Variants in YJU2B observed in about 807,000 individuals in gnomAD.
The protein encoded by YJU2B is YJU2 splicing factor homolog B, also known as probable splicing factor YJU2B.
YJU2B carries 18 observed loss-of-function variants against 38.0 expected under a neutral mutation model. The observed-to-expected ratio is 0.47, with a 90% CI of 0.33 to 0.70. The LOEUF is 0.70. YJU2B is among the 30% of genes least tolerant of loss of function. YJU2B has a pLI of 0.02. For missense variants in YJU2B, 538 were observed against 556.3 expected (o/e 0.97, Z 0.33); for synonymous variants, 246 against 225.4 (o/e 1.09, Z -0.82).
intron 4 of YJU2B, among the ~76,000 whole-genome samples, chr19:13,756,836 G>A (rs1035597858): frequency 6.6e-6 from 1 of 151,986 alleles, no homozygotes; most frequent in African/African-American, 2.4e-5. Context: ...ATTAGGCTGG[G>A]TGCGGTGGCT....
chr19:13,762,549 C>G (rs775915428), intron 9 of YJU2B, 41 bp from the exon 10 acceptor site: 1 of 1,534,560 alleles, frequency 6.5e-7, no homozygotes, highest in Non-Finnish European at 8.7e-7. Context: ...TTCTGGACCC[C>G]CTCCCCTGCC....
chr19:13,763,182 C>T lies in YJU2B; in HGVS notation c.*114C>T, dbSNP rs11878381. The T allele has an allele frequency of 2.3e-5, 19 of 815,532 alleles. No homozygotes were observed. The highest frequency in any genetic ancestry group is 2.2e-4 in the South Asian group (12 of 53,982). The allele number at this position is 815,532 out of a possible 1,614,324, so 50.5% of individuals were successfully genotyped here. A position where few individuals can be genotyped will look rare whatever the true frequency, so the allele number is the denominator to read the frequency against. ...ACCAGCCCTGGGAGAGCTCAGATGCCGCATCCTCCCCAGACCGCGCCTTCC... is the reference window on the plus strand; with the variant it reads ...ACCAGCCCTGGGAGAGCTCAGATGCTGCATCCTCCCCAGACCGCGCCTTCC... On this transcript the variant is annotated 3_prime_UTR_variant, in exon 10 of 10. Coordinates refer to ENST00000221554, the MANE Select transcript of YJU2B (RefSeq NM_030818.4).
rs1280992680 is a variant in YJU2B at position 13,762,599 on chromosome 19, A to G, written c.722A>G (p.Asp241Gly). The change falls in exon 10 of 10, where the codon GAC becomes GGC. Residue 241 changes from aspartate (D) to glycine (G), a missense_variant. This residue lies in a region of YJU2B where 488 missense variants were observed against 469.5 expected (regional missense o/e 1.04). Coordinates refer to ENST00000221554, the MANE Select transcript of YJU2B (RefSeq NM_030818.4). ...CTCTCCTCTCCTCTAGCCTACGAGG[A>G]CAAGCAGAAACTCAAGCGGACCGAG... ...LKFHTLDSYE[D>G]KQKLKRTEII... 1 of 1,527,004 alleles carries G rather than the reference A, an allele frequency of 6.5e-7. No individual in the cohort carries two copies. Among genetic ancestry groups the G allele is most frequent in the Admixed American group, 2.0e-5 (1 of 49,542 alleles). The allele number at this position is 1,527,004 out of a possible 1,614,324, so 94.6% of individuals were successfully genotyped here.
At chr19:13,759,486 G>A (rs1024930725) in intron 8 of YJU2B, 15 of 517,574 alleles carry the variant, frequency 2.9e-5, no homozygotes, top group Non-Finnish European at 5.1e-5. Flanking sequence ...AAATTTGGCT[G>A]GGCACAGTGA....
intron 4 of YJU2B, among the ~76,000 whole-genome samples, chr19:13,756,508 G>C (rs1001454204): frequency 6.6e-6 from 1 of 152,170 alleles, no homozygotes; most frequent in Non-Finnish European, 1.5e-5. Context: ...AGCTTGGCTG[G>C]GCTGGGCTAG....
chr19:13,757,792 G>A lies in YJU2B; in HGVS notation c.203G>A (p.Arg68His), dbSNP rs1973724565. 3 of 1,613,898 alleles carry A rather than the reference G, an allele frequency of 1.9e-6. No homozygotes were observed. The highest frequency in any genetic ancestry group is 2.5e-6 in the Non-Finnish European group (3 of 1,179,934). The change falls in exon 6 of 10, where the codon CGT becomes CAT. Residue 68 changes from arginine to histidine, a missense_variant. Arg to His is a conservative substitution (Grantham distance 29). Around this residue, in one of 2 missense-constraint regions of YJU2B, gnomAD observed 488 missense variants for 469.5 expected, o/e 1.04. Coordinates refer to ENST00000221554, the MANE Select transcript of YJU2B (RefSeq NM_030818.4). The stretch of plus-strand genomic sequence containing the variant: ...CCGCCTGACCCCCTTCCAGGTGTTC[G>A]TTACAATGCAGAAAAGAAGAAGGTG... ...GCKNHIGMGV[R>H]YNAEKKKVGN...
chr19:13,739,972 C>G (rs1973050552), intron 2 of YJU2B, among the ~76,000 whole-genome samples: 1 of 152,072 alleles, frequency 6.6e-6, no homozygotes, highest in Non-Finnish European at 1.5e-5. Context: ...TGTTCAACTC[C>G]CACTTATGAG....
At chr19:13,748,146 C>T (rs1486265017) in intron 1 of YJU2B, among the ~76,000 whole-genome samples, 192 bp downstream of exon 1, 2 of 152,194 alleles carry the variant, frequency 1.3e-5, no homozygotes, top group African/African-American at 2.4e-5. Flanking sequence ...ACCTCTGACC[C>T]AAGTGCCCGG....
chr19:13,733,716 C>T (rs1255139457), intron 2 of YJU2B, among the ~76,000 whole-genome samples: 1 of 152,014 alleles, frequency 6.6e-6, no homozygotes, highest in Non-Finnish European at 1.5e-5. Context: ...AGTGAAACTC[C>T]ATCTCAAAAA....
intron 2 of YJU2B, among the ~76,000 whole-genome samples, chr19:13,738,798 G>A (rs1420506438): frequency 1.3e-5 from 2 of 151,620 alleles, no homozygotes; most frequent in African/African-American, 4.8e-5. Flanking sequence ...GCTGAGGCAG[G>A]AGAATGGTGT....
intron 8 of YJU2B, chr19:13,761,480 C>T (rs559206329): frequency 6.5e-6 from 1 of 152,760 alleles, no homozygotes; most frequent in Admixed American, 6.5e-5. Flanking sequence ...TTATCACTGT[C>T]TCACCACTAG....
At position 13,762,452 on chromosome 19, in the gene YJU2B, AG is replaced by A. The variant is rs1336076845; in HGVS notation, c.712+20del. ...CACCCTGGACTGTGCGTAGGAGGCC[AG>A]GGGGAAAAGGGGACAGGGAGGCTCA... On this transcript the variant is annotated intron_variant, in intron 9 of 9. Transcript: ENST00000221554. 1 of 1,609,646 alleles carries A rather than the reference AG, an allele frequency of 6.2e-7. No individual in the cohort carries two copies.
intron 2 of YJU2B, among the ~76,000 whole-genome samples, chr19:13,734,166 G>A (rs1972887340): frequency 6.6e-6 from 1 of 152,146 alleles, no homozygotes; most frequent in Non-Finnish European, 1.5e-5. Flanking sequence ...GGCCTCAAGA[G>A]ACCCTCTCAC....
chr19:13,734,005 G>A (rs963318407), intron 2 of YJU2B, among the ~76,000 whole-genome samples: 1 of 152,084 alleles, frequency 6.6e-6, no homozygotes, highest in Non-Finnish European at 1.5e-5. Flanking sequence ...ATGACTCACT[G>A]TAGCCTCCAA....
intron 6 of YJU2B, among the ~76,000 whole-genome samples, 190 bp from the exon 7 acceptor site, chr19:13,758,677 CA>C (rs746183492): frequency 8.5e-5 from 13 of 152,272 alleles, no homozygotes; most frequent in African/African-American, 2.4e-5. Flanking sequence ...ACTGCAGCCC[CA>C]CTGACAGAAG....
chr19:13,740,196 T>C (rs1213510954), intron 2 of YJU2B, among the ~76,000 whole-genome samples: 1 of 152,088 alleles, frequency 6.6e-6, no homozygotes, highest in Non-Finnish European at 1.5e-5. Flanking sequence ...CTCAGCAAAC[T>C]AACATAAGTT....
chr19:13,734,559 G>A (rs1051572378), intron 2 of YJU2B, among the ~76,000 whole-genome samples: 6 of 151,174 alleles, frequency 4.0e-5, no homozygotes, highest in African/African-American at 1.5e-4. Flanking sequence ...CGAAGTGCTG[G>A]GATTACAGGC....
At chr19:13,740,400 A>T (rs1973061984) in intron 2 of YJU2B, among the ~76,000 whole-genome samples, 1 of 151,920 alleles carries the variant, frequency 6.6e-6, no homozygotes, top group African/African-American at 2.4e-5. Flanking sequence ...TTGTAGAGAC[A>T]GGGGTCTCAC....
chr19:13,755,175 A>T (rs57878384), intron 3 of YJU2B, among the ~76,000 whole-genome samples: 15 of 151,126 alleles, frequency 9.9e-5, no homozygotes, highest in African/African-American at 3.4e-4. Flanking sequence ...AAAAAAAAAA[A>T]AAAAAAAGCC....
Sources: allele counts gnomAD v4.1 joint callset (sites outside exome capture counted in the v4.1 genomes callset), GRCh38; gene constraint gnomAD v4.1.1; regional missense constraint gnomAD v4.1.1; transcripts MANE v1.5; gene names NCBI Gene and HGNC (gene_info 2026-07-23, HGNC 2026-07-21).